The following LETM2 variants were observed in gnomAD, a reference collection of about 807,000 sequenced individuals.
The protein encoded by LETM2 is leucine zipper and EF-hand containing transmembrane protein 2.
Under a neutral mutation model 59.6 loss-of-function variants are expected in LETM2, and 58 were observed. The ratio of observed to expected loss-of-function variants is 0.97; its 90% CI spans 0.79 to 1.21. The LOEUF (loss-of-function observed/expected upper bound fraction) is 1.21, where lower values mean the gene tolerates loss of function less well. Among genes scored for constraint, LETM2 ranks in the 50% most tolerant of loss-of-function variants. LETM2 has a pLI of 0.00. For synonymous variants in LETM2, 199 were observed against 214.1 expected, an observed-to-expected ratio of 0.93 and a Z score of 0.62; for missense variants, 572 against 575.7, an observed-to-expected ratio of 0.99 and a Z score of 0.07.
chr8:38,404,373 G>T lies in LETM2; in HGVS notation c.1105-20G>T. On this transcript the variant is annotated intron_variant, in intron 7 of 10. Coordinates refer to ENST00000379957, the MANE Select transcript of LETM2 (RefSeq NM_001286819.2). ...TCTGGTGTTCTGATTCTCACGTGTT[G>T]TTCCCCTCCCGTTCTCCAGTGGCAG... is the stretch of plus-strand genomic sequence containing the variant. 1.3e-6 allele frequency: 2 copies of T among 1,519,634 alleles called. No homozygotes were observed. Among genetic ancestry groups the T allele is most frequent in the African/African-American group, 2.7e-5 (2 of 73,080 alleles). 94.1% of individuals were successfully genotyped at this position (1,519,634 alleles called of 1,614,324 possible). A position where few individuals can be genotyped will look rare whatever the true frequency, so the allele number is the denominator to read the frequency against.
At chr8:38,387,749 G>C (rs747717487) in intron 1 of LETM2, among the ~76,000 whole-genome samples, 1 of 151,848 alleles carries the variant, frequency 6.6e-6, no homozygotes, top group Non-Finnish European at 1.5e-5. Context: ...GATCATTACC[G>C]TTTGTTGGAA....
At chr8:38,387,607 C>T (rs898365521) in intron 1 of LETM2, among the ~76,000 whole-genome samples, 1 of 152,058 alleles carries the variant, frequency 6.6e-6, no homozygotes, top group African/African-American at 2.4e-5. Flanking sequence ...TATTTTAAGG[C>T]TACAGATAGA....
intron 4 of LETM2, among the ~76,000 whole-genome samples, chr8:38,399,543 C>T (rs565039728): frequency 1.2e-4 from 18 of 151,920 alleles, no homozygotes; most frequent in Admixed American, 6.6e-5. Context: ...TTTGGGAGGC[C>T]GAGACAGGCA....
chr8:38,392,272 A>C (rs912850521), intron 2 of LETM2, among the ~76,000 whole-genome samples: 2 of 152,054 alleles, frequency 1.3e-5, no homozygotes, highest in Non-Finnish European at 2.9e-5. Flanking sequence ...TAAAAATACA[A>C]AAATTAGCTG....
chr8:38,389,648 C>G (rs1812054984), intron 2 of LETM2, among the ~76,000 whole-genome samples: 1 of 151,912 alleles, frequency 6.6e-6, no homozygotes, highest in South Asian at 2.1e-4. Flanking sequence ...TGGCTCACAC[C>G]TATAATCTCA....
At chr8:38,403,713 G>A (rs1048119219) in intron 7 of LETM2, among the ~76,000 whole-genome samples, 1 of 152,242 alleles carries the variant, frequency 6.6e-6, no homozygotes, top group Non-Finnish European at 1.5e-5. Context: ...CCTCTCATGT[G>A]TGGGACCAGC....
Position 38,408,267 on chromosome 8 carries a change from G to C in LETM2, c.1469G>C (p.Gly490Ala), listed in dbSNP as rs752273597. The C allele has an allele frequency of 1.2e-6, 2 of 1,612,518 alleles. No homozygotes were observed. Among genetic ancestry groups the C allele is most frequent in the Non-Finnish European group, 8.5e-7 (1 of 1,179,300 alleles). ...CAGAACAGCAAGGCTAGTTCAAAAG[G>C]AGCATAAAGGACTACTTGAGGATGG... is the stretch of plus-strand genomic sequence containing the variant. ...TAQNSKASSK[G>A]A Residue 490 changes from glycine (G) to alanine (A), a missense_variant, in exon 11 of 11, where the codon GGA becomes GCA. Coordinates refer to ENST00000379957, the MANE Select transcript of LETM2 (RefSeq NM_001286819.2).
At chr8:38,396,409 C>T (rs868623851) in intron 4 of LETM2, among the ~76,000 whole-genome samples, 8 of 152,050 alleles carry the variant, frequency 5.3e-5, no homozygotes, top group Admixed American at 2.0e-4. Context: ...GGTGATCTGC[C>T]CACCTCAGTC....
intron 8 of LETM2, chr8:38,406,608 A>G (rs1245909261): frequency 1.6e-5 from 3 of 182,086 alleles, no homozygotes; most frequent in African/African-American, 7.1e-5. Context: ...CATCTCCAAA[A>G]AAAAGAAAAA....
Position 38,402,558 on chromosome 8 carries a change from G to A in LETM2, c.1018G>A (p.Val340Ile). The change falls in exon 7 of 11, where the codon GTA becomes ATA. Residue 340 changes from valine (V) to isoleucine (I), a missense_variant. Physicochemically the swap from Val to Ile is conservative, Grantham distance 29 (BLOSUM62 3). Coordinates refer to ENST00000379957, the MANE Select transcript of LETM2 (RefSeq NM_001286819.2). The part of the protein sequence containing the change: ...IAKEGVTALS[V>I]SELQAACRAR... Reference sequence around the variant, plus strand: ...CAAGGAAGGGGTGACAGCATTGAGTGTATCAGAACTACAGGCTGCCTGTAG... The same window carrying A: ...CAAGGAAGGGGTGACAGCATTGAGTATATCAGAACTACAGGCTGCCTGTAG... 1 of 1,613,796 alleles carries A rather than the reference G, an allele frequency of 6.2e-7. No individual in the cohort carries two copies. Among genetic ancestry groups the A allele is most frequent in the Non-Finnish European group, 8.5e-7 (1 of 1,179,672 alleles).
intron 8 of LETM2, 193 bp from the exon 9 acceptor site, chr8:38,406,753 A>C (rs1813751570): frequency 2.1e-6 from 1 of 475,490 alleles, no homozygotes; most frequent in African/African-American, 1.9e-5. Context: ...CTCAAAACTC[A>C]AAGAGAAATA....
At chr8:38,397,596 T>C (rs565759756) in intron 4 of LETM2, among the ~76,000 whole-genome samples, 1 of 152,050 alleles carries the variant, frequency 6.6e-6, no homozygotes, top group Non-Finnish European at 1.5e-5. Context: ...AAGTGATGTG[T>C]TGGGGTCAGG....
At chr8:38,400,240 G>A (rs906409989) in intron 4 of LETM2, 32 bp from the exon 5 acceptor site, 11 of 1,570,334 alleles carry the variant, frequency 7.0e-6, no homozygotes, top group Non-Finnish European at 7.8e-6. Flanking sequence ...AATCACGAAG[G>A]ATTGAGTAAC....
intron 4 of LETM2, among the ~76,000 whole-genome samples, chr8:38,398,155 A>G (rs1354682571): frequency 6.6e-6 from 1 of 150,862 alleles, no homozygotes; most frequent in East Asian, 1.9e-4. Context: ...AAAAAAAAAA[A>G]GAGACTTGAA....
chr8:38,407,159 A>G (rs1185461750), intron 9 of LETM2, 121 bp downstream of exon 9: 4 of 729,428 alleles, frequency 5.5e-6, no homozygotes, highest in African/African-American at 5.3e-5. Context: ...GTTCCTTAAT[A>G]AGGAATATTT....
intron 2 of LETM2, among the ~76,000 whole-genome samples, chr8:38,392,165 C>T (rs1426992536): frequency 6.6e-6 from 1 of 152,124 alleles, no homozygotes; most frequent in Non-Finnish European, 1.5e-5. Context: ...TGGCTCATGC[C>T]TGTAATTCCA....
At chr8:38,387,308 C>T (rs1012391340) in intron 1 of LETM2, 1 of 152,242 alleles carries the variant, frequency 6.6e-6, no homozygotes, top group Non-Finnish European at 1.5e-5. Flanking sequence ...GGAATGTCAG[C>T]TCTTCTGCCG....
At chr8:38,386,956 G>A (rs1811819362) in intron 1 of LETM2, 1 of 152,392 alleles carries the variant, frequency 6.6e-6, no homozygotes, top group Admixed American at 6.5e-5. Flanking sequence ...CCGCATGCAG[G>A]CCGCGCACAC....
intron 4 of LETM2, 61 bp downstream of exon 4, chr8:38,394,302 C>T: frequency 9.5e-7 from 1 of 1,051,320 alleles, no homozygotes; most frequent in African/African-American, 1.6e-5. Flanking sequence ...TTTAGGTTTA[C>T]AGAAAACTTG....
Sources: allele counts gnomAD v4.1 joint callset (sites outside exome capture counted in the v4.1 genomes callset), GRCh38; gene constraint gnomAD v4.1.1; transcripts MANE v1.5; gene names NCBI Gene and HGNC (gene_info 2026-07-23, HGNC 2026-07-21).